CASZ1: variants seen among roughly 807,000 people sequenced by gnomAD.
The protein encoded by CASZ1 is zinc finger protein castor homolog 1.
Under a neutral mutation model 135.2 loss-of-function variants are expected in CASZ1, and 28 were observed. The observed-to-expected ratio is 0.21, with a 90% CI of 0.15 to 0.28. The LOEUF is 0.28. Among genes scored for constraint, CASZ1 ranks in the 10% least tolerant of loss-of-function variants. The pLI, the probability that CASZ1 is intolerant of heterozygous loss-of-function variation, is 1.00. For missense variants in CASZ1, 2,161 were observed against 2,453.3 expected, an observed-to-expected ratio of 0.88 and a Z score of 2.52; for synonymous variants, 1,068 against 1,073.4, an observed-to-expected ratio of 0.99 and a Z score of 0.10.
At chr1:10,696,685 G>A (rs921045661) in intron 3 of CASZ1, among the ~76,000 whole-genome samples, 1 of 152,256 alleles carries the variant, frequency 6.6e-6, no homozygotes, top group East Asian at 1.9e-4. Context: ...AAGCCTGGAG[G>A]CAAGGGATAG....
At chr1:10,704,009 G>A (rs556680781) in intron 3 of CASZ1, among the ~76,000 whole-genome samples, 73 of 152,280 alleles carry the variant, frequency 4.8e-4, no homozygotes, top group African/African-American at 1.6e-3. Context: ...GCCTGGGGAC[G>A]GAGTTATCTA....
intron 4 of CASZ1, among the ~76,000 whole-genome samples, chr1:10,691,224 A>G (rs1489303315): frequency 6.6e-6 from 1 of 152,174 alleles, no homozygotes. Context: ...TAGTTTAATT[A>G]AAAAATGTAA....
chr1:10,659,610 G>T (rs997420495), intron 6 of CASZ1, 92 bp downstream of exon 6: 1 of 982,362 alleles, frequency 1.0e-6, no homozygotes, highest in Non-Finnish European at 1.6e-6. Flanking sequence ...CGGCAGGTGT[G>T]TCCTCAAGCA....
chr1:10,665,470 G>A lies in CASZ1; in HGVS notation c.118C>T (p.Arg40Cys), dbSNP rs752850569. 4 of 1,608,980 alleles carry A rather than the reference G, an allele frequency of 2.5e-6. No individual in the cohort carries two copies. Among genetic ancestry groups the A allele is most frequent in the South Asian group, 1.1e-5 (1 of 91,044 alleles). ...GCTCGCTTCTCCACCACCACCTGGCGGCTCAGCTTGGCGCAGATGGCGTTC... is the reference window on the plus strand; with the variant it reads ...GCTCGCTTCTCCACCACCACCTGGCAGCTCAGCTTGGCGCAGATGGCGTTC... ...KLNAICAKLSRQVVVEKRADA... is the reference protein window; with the variant it reads ...KLNAICAKLSCQVVVEKRADA... Residue 40 changes from arginine to cysteine, a missense_variant, in exon 5 of 21, where the codon CGC becomes TGC. Transcript: ENST00000377022.
chr1:10,652,621 A>T (rs1642630806), intron 11 of CASZ1: 1 of 152,264 alleles, frequency 6.6e-6, no homozygotes, highest in Non-Finnish European at 1.5e-5. Flanking sequence ...ATGGATATTT[A>T]TGAAATTATA....
Position 10,656,652 on chromosome 1 carries a change from G to A in CASZ1, c.1494C>T (p.Asn498=). The part of the protein sequence containing the change: ...EHYHCLDPEC[N]YQRFTSKQDV... ...CATCTGGCTGTGGCCGTACCTGGTA[G>A]TTACACTCAGGGTCAAGGCAGTGGT... is the stretch of plus-strand genomic sequence containing the variant. Residue 498 remains asparagine, a synonymous_variant, in exon 8 of 21, where the codon AAC becomes AAT. Coordinates refer to ENST00000377022, the MANE Select transcript of CASZ1 (RefSeq NM_001079843.3). 4 of 1,597,090 alleles carry A rather than the reference G, an allele frequency of 2.5e-6. No homozygotes were observed. The highest frequency in any genetic ancestry group is 3.4e-6 in the Non-Finnish European group (4 of 1,172,314).
chr1:10,700,111 A>ACACACACACACACACACACACCCACC lies in CASZ1; in HGVS notation c.-24+5380_-24+5381insGGTGGGTGTGTGTGTGTGTGTGTGTG, dbSNP rs1212625170. On this transcript the variant is annotated intron_variant, in intron 3 of 20. Transcript: ENST00000377022. This position sits in a 1 kb window ranked among gnomAD's most constrained non-coding sequence, Gnocchi z 4.2. ...CACACACACACACACACACACACAC[A>ACACACACACACACACACACACCCACC]CACACAGAGTATGAAGCAGGGACCT... is the stretch of plus-strand genomic sequence containing the variant. 4.9e-4 allele frequency among the ~76,000 whole-genome samples: 75 copies of ACACACACACACACACACACACCCACC among 152,024 alleles called. No individual in the cohort carries two copies. In the East Asian group the frequency reaches 0.01, roughly 21 times the overall value.
chr1:10,733,764 G>A (rs1639744978), intron 2 of CASZ1, among the ~76,000 whole-genome samples: 1 of 152,114 alleles, frequency 6.6e-6, no homozygotes, highest in South Asian at 2.1e-4. Flanking sequence ...CCTGGACTCT[G>A]GGGACACAGC....
rs927571913 is a variant in CASZ1, at chr1:10,639,158, C to T, written c.5064G>A (p.Glu1688=). 4 of 1,075,666 alleles carry T rather than the reference C, an allele frequency of 3.7e-6. No individual in the cohort carries two copies. Among genetic ancestry groups the T allele is most frequent in the Admixed American group, 1.0e-4 (2 of 19,204 alleles). 66.6% of individuals were successfully genotyped at this position (1,075,666 alleles called of 1,614,324 possible). A position where few individuals can be genotyped will look rare whatever the true frequency, so the allele number is the denominator to read the frequency against. The change falls in exon 21 of 21, where the codon GAG becomes GAA. Residue 1688 remains glutamate (E), a synonymous_variant. Coordinates refer to ENST00000377022, the MANE Select transcript of CASZ1 (RefSeq NM_001079843.3). This position sits in a 1 kb window ranked among gnomAD's most constrained non-coding sequence, Gnocchi z 4.0. The part of the protein sequence containing the change: ...EEEELELPEE[E]AEDDEDEDDD... ...CGTCCTCGTCCTCGTCGTCTTCGGC[C>T]TCCTCCTCCGGCAGCTCCAGCTCCT...
At chr1:10,659,630 C>T (rs1642938768) in intron 6 of CASZ1, 72 bp downstream of exon 6, 4 of 1,256,034 alleles carry the variant, frequency 3.2e-6, no homozygotes, top group Admixed American at 3.5e-5. Context: ...ACGGGCAACC[C>T]TGGTGAGGAA....
At chr1:10,738,918 GTTTTTTTTTTTT>G (rs752101102) in intron 2 of CASZ1, among the ~76,000 whole-genome samples, 1 of 69,176 alleles carries the variant, frequency 1.4e-5, no homozygotes, top group South Asian at 4.9e-4. Flanking sequence ...ATGAAGGAAG[GTTTTTTTTTTTT>G]TTTTTTTTTT....
intron 1 of CASZ1, among the ~76,000 whole-genome samples, chr1:10,765,774 C>T (rs974504325): frequency 4.6e-5 from 7 of 152,212 alleles, no homozygotes; most frequent in African/African-American, 1.7e-4. Flanking sequence ...GGCCTTTCCA[C>T]ACTTAAGGTA....
intron 2 of CASZ1, among the ~76,000 whole-genome samples, chr1:10,760,093 C>T (rs1043462049): frequency 1.3e-5 from 2 of 152,204 alleles, no homozygotes; most frequent in Non-Finnish European, 2.9e-5. Flanking sequence ...ACGCAAAGGG[C>T]TATTTCCAAG....
chr1:10,765,791 A>T lies in CASZ1; in HGVS notation c.-233-4934T>A, dbSNP rs147699209. Among the ~76,000 whole-genome samples the T allele has an allele frequency of 6.6e-4, 101 of 152,236 alleles. No homozygotes were observed. In the East Asian group the frequency reaches 0.016, roughly 24 times the overall value. On this transcript the variant is annotated intron_variant, in intron 1 of 20. Coordinates refer to ENST00000377022, the MANE Select transcript of CASZ1 (RefSeq NM_001079843.3). The stretch of plus-strand genomic sequence containing the variant: ...CCTTTCCACACTTAAGGTACTGTCC[A>T]CTGTCCTGCTGCCGGCAGGGGACAG...
chr1:10,733,455 C>T (rs1351273399), intron 2 of CASZ1, among the ~76,000 whole-genome samples: 1 of 152,208 alleles, frequency 6.6e-6, no homozygotes, highest in African/African-American at 2.4e-5. Context: ...CCATCCCACA[C>T]ACTTCCCAAG....
At chr1:10,653,002 G>A (rs945165910) in intron 11 of CASZ1, 2 of 288,256 alleles carry the variant, frequency 6.9e-6, no homozygotes, top group South Asian at 3.1e-5. Flanking sequence ...TGGAGGAAAC[G>A]CTCGGCACGC....
At chr1:10,643,423 T>C in intron 18 of CASZ1, 112 bp from the exon 19 acceptor site, 1 of 1,190,954 alleles carries the variant, frequency 8.4e-7, no homozygotes, top group Non-Finnish European at 1.2e-6. Flanking sequence ...GTAAGGCAGA[T>C]GGTATCTGGG....
intron 2 of CASZ1, among the ~76,000 whole-genome samples, chr1:10,754,957 C>T (rs1021050432): frequency 1.3e-5 from 2 of 152,256 alleles, no homozygotes; most frequent in Non-Finnish European, 2.9e-5. Context: ...TCCTCTTACC[C>T]CGTTGGCCAC....
At chr1:10,663,673 G>A (rs1042157137) in intron 5 of CASZ1, among the ~76,000 whole-genome samples, 2 of 152,252 alleles carry the variant, frequency 1.3e-5, no homozygotes, top group African/African-American at 2.4e-5. Flanking sequence ...CTGCATGGCC[G>A]AGCCCAGGGC....
Sources: allele counts gnomAD v4.1 joint callset (sites outside exome capture counted in the v4.1 genomes callset), GRCh38; gene constraint gnomAD v4.1.1; non-coding constraint Gnocchi (gnomAD v3.1); transcripts MANE v1.5; gene names NCBI Gene and HGNC (gene_info 2026-07-23, HGNC 2026-07-21).